TIPIN: variants seen among roughly 807,000 people sequenced by gnomAD.
The protein encoded by TIPIN is TIMELESS interacting protein, also known as TIMELESS-interacting protein.
A neutral mutation model predicts 35.6 loss-of-function variants in TIPIN; 29 were observed. The observed-to-expected ratio is 0.82, with a 90% CI of 0.61 to 1.11. TIPIN has a LOEUF of 1.11. Among genes scored for constraint, TIPIN ranks in the 50% most tolerant of loss-of-function variants. The pLI is 0.00. For synonymous variants in TIPIN, 102 were observed against 121.5 expected, an observed-to-expected ratio of 0.84 and a Z score of 1.06; for missense variants, 296 against 345.4, an observed-to-expected ratio of 0.86 and a Z score of 1.13.
intron 1 of TIPIN, among the ~76,000 whole-genome samples, chr15:66,369,048 A>G (rs2093268257): frequency 6.6e-6 from 1 of 152,162 alleles, no homozygotes; most frequent in African/African-American, 2.4e-5. Context: ...TAAAATTCTA[A>G]GATGAATTCA....
chr15:66,386,233 A>G (rs1275855499), intron 1 of TIPIN, among the ~76,000 whole-genome samples: 2 of 151,954 alleles, frequency 1.3e-5, no homozygotes. Flanking sequence ...CAGAGGTGGT[A>G]GTTAGCGGAG....
At chr15:66,366,957 G>T in intron 1 of TIPIN, 1 of 908,302 alleles carries the variant, frequency 1.1e-6, no homozygotes, top group Non-Finnish European at 1.3e-6. Context: ...CAAGGCAGGT[G>T]ATCACTCGAG....
rs764585172 is a variant in TIPIN, at chr15:66,337,001, T to C, written c.863A>G (p.Gln288Arg). ...LLDQSFKNVQ[Q>R]QLDATSRNIT... ...ATTTCTGGATGTAGCATCAAGTTGCTGTTGCACATTTTTAAAAGACTGGTC... is the reference window on the plus strand; with the variant it reads ...ATTTCTGGATGTAGCATCAAGTTGCCGTTGCACATTTTTAAAAGACTGGTC... The change falls in exon 8 of 8, where the codon CAG (glutamine) becomes CGG (arginine). Residue 288 changes from glutamine (Q) to arginine (R), a missense_variant. Transcript: ENST00000261881. 6.2e-7 allele frequency: 1 copy of C among 1,613,706 alleles called. No homozygotes were observed. Among genetic ancestry groups the C allele is most frequent in the South Asian group, 1.1e-5 (1 of 91,078 alleles).
intron 3 of TIPIN, 81 bp from the exon 4 acceptor site, chr15:66,351,681 A>G (rs990432645): frequency 8.2e-6 from 10 of 1,214,280 alleles, no homozygotes; most frequent in Non-Finnish European, 3.4e-6. Context: ...TCTGTCGCCC[A>G]GGCTGGGATG....
intron 1 of TIPIN, among the ~76,000 whole-genome samples, chr15:66,378,113 C>T (rs2093304313): frequency 6.6e-6 from 1 of 152,146 alleles, no homozygotes; most frequent in African/African-American, 2.4e-5. Flanking sequence ...AGTAATTCTC[C>T]TGCCTCAGCC....
At chr15:66,368,421 G>A (rs1163916817) in intron 1 of TIPIN, among the ~76,000 whole-genome samples, 3 of 151,954 alleles carry the variant, frequency 2.0e-5, no homozygotes, top group Non-Finnish European at 4.4e-5. Flanking sequence ...GGGAGGCTGA[G>A]ACAAAAGGAG....
intron 1 of TIPIN, among the ~76,000 whole-genome samples, chr15:66,377,115 A>AAG (rs956776554): frequency 2.0e-5 from 3 of 151,326 alleles, no homozygotes; most frequent in Non-Finnish European, 2.9e-5. Context: ...CTCAAAAAAA[A>AAG]AAAAAAAAAA....
chr15:66,343,129 T>G (rs1479699217), intron 6 of TIPIN, among the ~76,000 whole-genome samples: 2 of 152,156 alleles, frequency 1.3e-5, no homozygotes, highest in Non-Finnish European at 2.9e-5. Flanking sequence ...ACTGATGGAT[T>G]TCATCTTACT....
chr15:66,382,477 C>T (rs974649835), intron 1 of TIPIN, among the ~76,000 whole-genome samples: 6 of 152,186 alleles, frequency 3.9e-5, no homozygotes, highest in Non-Finnish European at 8.8e-5. Flanking sequence ...TCGGCTCAAG[C>T]GATCATCCCA....
At chr15:66,379,754 C>G in intron 1 of TIPIN, 1 of 1,606,616 alleles carries the variant, frequency 6.2e-7, no homozygotes. Flanking sequence ...CAACCAGAGC[C>G]TCTTTTTTTT....
intron 1 of TIPIN, among the ~76,000 whole-genome samples, chr15:66,376,032 C>T (rs1450541777): frequency 6.6e-6 from 1 of 152,074 alleles, no homozygotes; most frequent in Non-Finnish European, 1.5e-5. Context: ...CCCAGGAGTT[C>T]AAGGTTAAAG....
intron 1 of TIPIN, among the ~76,000 whole-genome samples, chr15:66,372,916 A>G (rs927569428): frequency 6.6e-6 from 1 of 152,146 alleles, no homozygotes; most frequent in African/African-American, 2.4e-5. Flanking sequence ...GAAAAAAAAA[A>G]AAGATTGTAA....
Position 66,381,480 on chromosome 15 carries a change from G to C in TIPIN, c.-9+5127C>G, listed in dbSNP as rs536668464. 2.6e-5 allele frequency among the ~76,000 whole-genome samples: 4 copies of C among 152,100 alleles called. No individual in the cohort carries two copies. In the East Asian group the frequency reaches 7.8e-4, roughly 29 times the overall value. On this transcript the variant is annotated intron_variant, in intron 1 of 7. Transcript: ENST00000562124. ...AGAATAGAGATCCTAGGTTTTTCTA[G>C]AAGTACTGTTAAAAAATATTAATTC...
In TIPIN at chr15:66,341,240, C is replaced by G; in HGVS notation, c.592G>C (p.Glu198Gln). Residue 198 changes from glutamate (E) to glutamine (Q), a missense_variant, in exon 7 of 8, where the codon GAG becomes CAG. Glu to Gln is a conservative substitution (Grantham distance 29). Coordinates refer to ENST00000261881, the MANE Select transcript of TIPIN (RefSeq NM_017858.3). Reference sequence around the variant, plus strand: ...TTTCTCTCAATTCTTTGTTGTTGCTCTTCTGTTAGGCTTCTACTTAACTCA... The same window carrying G: ...TTTCTCTCAATTCTTTGTTGTTGCTGTTCTGTTAGGCTTCTACTTAACTCA... ...ASELSRSLTE[E>Q]QQQRIERNKQ... 1.2e-6 allele frequency: 2 copies of G among 1,613,708 alleles called. No homozygotes were observed. The highest frequency in any genetic ancestry group is 1.7e-6 in the Non-Finnish European group (2 of 1,180,022).
Position 66,336,794 on chromosome 15 carries a change from A to C in TIPIN, c.*164T>G, listed in dbSNP as rs1299774099. The C allele has an allele frequency of 3.3e-6, 2 of 599,958 alleles. No individual in the cohort carries two copies. The highest frequency in any genetic ancestry group is 2.8e-5 in the East Asian group (1 of 35,660). The allele number at this position is 599,958 out of a possible 1,614,324, so 37.2% of individuals were successfully genotyped here. A position where few individuals can be genotyped will look rare whatever the true frequency, so the allele number is the denominator to read the frequency against. ...AAAGAGAACAAATAGATTTAACTAA[A>C]GTGACAAGCATAATTATAAATAAAT... On this transcript the variant is annotated 3_prime_UTR_variant, in exon 8 of 8. Coordinates refer to ENST00000261881, the MANE Select transcript of TIPIN (RefSeq NM_017858.3).
chr15:66,364,314 C>A (rs921385095), intron 1 of TIPIN, among the ~76,000 whole-genome samples: 3 of 151,556 alleles, frequency 2.0e-5, no homozygotes, highest in African/African-American at 7.3e-5. Flanking sequence ...TACAGATGGG[C>A]GCCGCCATGC....
chr15:66,348,008 CTTTTTTTT>C (rs543925918), intron 6 of TIPIN, among the ~76,000 whole-genome samples: 2 of 135,510 alleles, frequency 1.5e-5, no homozygotes, highest in African/African-American at 2.7e-5. Context: ...TTCTTTCTTT[CTTTTTTTT>C]TTTTTTTTCC....
At chr15:66,378,483 A>G (rs1357671106) in intron 1 of TIPIN, among the ~76,000 whole-genome samples, 1 of 152,106 alleles carries the variant, frequency 6.6e-6, no homozygotes, top group African/African-American at 2.4e-5. Context: ...TATATTGCAG[A>G]TATTGTAAAT....
intron 1 of TIPIN, chr15:66,383,621 G>A: frequency 1.0e-6 from 1 of 978,146 alleles, no homozygotes; most frequent in Non-Finnish European, 1.2e-6. Context: ...AATTATGCAT[G>A]TTTAACATGA....
Sources: gnomAD v4.1 joint callset for allele counts (sites outside exome capture counted in the v4.1 genomes callset) on GRCh38, gnomAD v4.1.1 for gene constraint, MANE v1.5 for transcripts, NCBI Gene and HGNC (gene_info 2026-07-23, HGNC 2026-07-21) for gene names.